Variants in FGFR1 observed in about 807,000 individuals in gnomAD.
FGFR1 encodes FGFR1/PLAG1 fusion.
FGFR1 carries 18 observed loss-of-function variants against 93.7 expected under a neutral mutation model. The observed-to-expected ratio is 0.19, with a 90% CI of 0.13 to 0.28. FGFR1 has a LOEUF of 0.28. Ranked by LOEUF, FGFR1 falls within the 10% of genes least tolerant of loss-of-function variation. The pLI is 1.00. For synonymous variants in FGFR1, 448 were observed against 429.3 expected (o/e 1.04, Z -0.54); for missense variants, 731 against 1,080.4 (o/e 0.68, Z 4.53).
chr8:38,464,507 A>T (rs1032960021), intron 1 of FGFR1, among the ~76,000 whole-genome samples: 5 of 152,144 alleles, frequency 3.3e-5, no homozygotes, highest in African/African-American at 7.2e-5. Context: ...GGGGAGAGAT[A>T]AATGGTGGCG....
At chr8:38,425,424 AG>A (rs1176180959) in intron 6 of FGFR1, among the ~76,000 whole-genome samples, 8 of 152,178 alleles carry the variant, frequency 5.3e-5, no homozygotes. Context: ...ATGGGATCAC[AG>A]GCGTGAGTAA....
intron 8 of FGFR1, among the ~76,000 whole-genome samples, chr8:38,420,799 C>T (rs1369952601): frequency 1.3e-5 from 2 of 152,172 alleles, no homozygotes; most frequent in South Asian, 2.1e-4. Flanking sequence ...GAGGCACGAC[C>T]CTAGACTGAG....
chr8:38,429,910 G>C lies in FGFR1; in HGVS notation c.130C>G (p.Leu44Val). The change falls in exon 3 of 18, where the codon CTG (leucine) becomes GTG (valine). Residue 44 changes from leucine (L) to valine (V), a missense_variant. By Grantham distance (32) the Leu-to-Val change is conservative. Around this residue, in one of 10 missense-constraint regions of FGFR1, gnomAD observed 212 missense variants for 205.8 expected, o/e 1.03. Transcript: ENST00000447712. This position sits in a 1 kb window ranked among gnomAD's most constrained non-coding sequence, Gnocchi z 4.4. Reference protein sequence around the residue: ...WGAPVEVESFLVHPGDLLQLR... With the variant: ...WGAPVEVESFVVHPGDLLQLR... The stretch of plus-strand genomic sequence containing the variant: ...TGCAGCAGGTCACCGGGGTGGACCA[G>C]GAAGGACTCCACTTCCACAGGGGCT... The C allele has an allele frequency of 6.2e-7, 1 of 1,613,496 alleles. No individual in the cohort carries two copies. The highest frequency in any genetic ancestry group is 8.5e-7 in the Non-Finnish European group (1 of 1,179,818).
In FGFR1 at chr8:38,412,806, A is replaced by C. The variant is rs908596802; in HGVS notation, c.*822T>G. 1 of 233,652 alleles carries C rather than the reference A, an allele frequency of 4.3e-6. No individual in the cohort carries two copies. The highest frequency in any genetic ancestry group is 8.5e-6 in the Non-Finnish European group (1 of 118,022). 14.5% of individuals were successfully genotyped at this position (233,652 alleles called of 1,614,324 possible). A position where few individuals can be genotyped will look rare whatever the true frequency, so the allele number is the denominator to read the frequency against. On this transcript the variant is annotated 3_prime_UTR_variant, in exon 18 of 18. Transcript: ENST00000447712. ...ACATAATTTAAAAAAATAAAACAGCAAAAGTAGCAAAAAATATATGACCTT... is the reference window on the plus strand; with the variant it reads ...ACATAATTTAAAAAAATAAAACAGCCAAAGTAGCAAAAAATATATGACCTT...
chr8:38,442,515 A>G (rs1279233345), intron 2 of FGFR1, among the ~76,000 whole-genome samples: 3 of 151,970 alleles, frequency 2.0e-5, no homozygotes, highest in African/African-American at 4.8e-5. Flanking sequence ...GGGTTCTGTA[A>G]TGGAAAGATC....
intron 2 of FGFR1, among the ~76,000 whole-genome samples, chr8:38,442,005 CATTTTAATAGA>C (rs766701390): frequency 3.2e-4 from 49 of 152,242 alleles, no homozygotes; most frequent in Middle Eastern, 6.8e-3. Context: ...TTGGGGCTGA[CATTTTAATAGA>C]AACATAGAGA....
At position 38,426,062 on chromosome 8, in the gene FGFR1, G is replaced by A. The variant is rs2150854066; in HGVS notation, c.745+60C>T. ...TAAGAAACCTGGACACCCCGGCTGT[G>A]TTCTCCAAGCCTGGCTCTTCCCACT... On this transcript the variant is annotated intron_variant, in intron 6 of 17. Transcript: ENST00000447712. The surrounding 1 kb of genome is among the most constrained non-coding windows in gnomAD (Gnocchi z 4.1). The A allele has an allele frequency of 6.2e-7, 1 of 1,612,334 alleles. No homozygotes were observed. Among genetic ancestry groups the A allele is most frequent in the Middle Eastern group, 1.8e-4 (1 of 5,516 alleles).
chr8:38,414,983 G>A (rs1245541925), intron 13 of FGFR1, 82 bp from the exon 14 acceptor site: 11 of 1,159,772 alleles, frequency 9.5e-6, no homozygotes, highest in Non-Finnish European at 1.4e-5. Flanking sequence ...CATGCAACTA[G>A]CCGACTTGTC....
chr8:38,416,318 T>A (rs1816581670), intron 12 of FGFR1, among the ~76,000 whole-genome samples: 1 of 152,194 alleles, frequency 6.6e-6, no homozygotes, highest in African/African-American at 2.4e-5. Flanking sequence ...GGAGTCTCAC[T>A]CTGTTGCCCA....
At position 38,419,464 on chromosome 8, in the gene FGFR1, G is replaced by A. The variant is rs950070997; in HGVS notation, c.1284+69C>T. ...CCAAAGCTATAAATTAGGGACAATG[G>A]AGAGGGCAGGGCATTAGAGGCCCAG... On this transcript the variant is annotated intron_variant, in intron 9 of 17. Transcript: ENST00000447712. 4 of 1,392,238 alleles carry A rather than the reference G, an allele frequency of 2.9e-6. No individual in the cohort carries two copies. The Admixed American group carries it at 5.0e-5, about 18-fold the overall frequency. 86.2% of individuals were successfully genotyped at this position (1,392,238 alleles called of 1,614,324 possible).
chr8:38,434,545 T>C, intron 2 of FGFR1: 1 of 300,502 alleles, frequency 3.3e-6, no homozygotes. Flanking sequence ...CAAGGAGATT[T>C]TCTTATAGTG....
chr8:38,423,312 GTTTTTTTTTT>G (rs58594253), intron 7 of FGFR1: 3 of 361,220 alleles, frequency 8.3e-6, no homozygotes, highest in East Asian at 6.2e-5. Flanking sequence ...TTCCCTTTTA[GTTTTTTTTTT>G]TTTTTTTTTT....
intron 3 of FGFR1, chr8:38,428,750 G>A: frequency 4.8e-6 from 2 of 418,820 alleles, no homozygotes; most frequent in Non-Finnish European, 9.0e-6. Flanking sequence ...GTGCCACCTG[G>A]GTGTGCTGGA....
rs2150474688 is a variant in FGFR1, at chr8:38,411,290, T to G, written c.*2338A>C. On this transcript the variant is annotated 3_prime_UTR_variant, in exon 18 of 18. Coordinates refer to ENST00000447712, the MANE Select transcript of FGFR1 (RefSeq NM_023110.3). ...TCTCCCAAGGACTTATGAAGACTTT[T>G]AGATTCTTCATCCCTTCACACAACA... 1 of 210,958 alleles carries G rather than the reference T, an allele frequency of 4.7e-6. No homozygotes were observed. The highest frequency in any genetic ancestry group is 1.9e-4 in the South Asian group (1 of 5,340). 13.1% of individuals were successfully genotyped at this position (210,958 alleles called of 1,614,324 possible).
At chr8:38,416,249 C>T (rs1456631342) in intron 12 of FGFR1, among the ~76,000 whole-genome samples, 189 bp from the exon 13 acceptor site, 2 of 152,084 alleles carry the variant, frequency 1.3e-5, no homozygotes, top group Admixed American at 1.3e-4. Context: ...CAGCATAGTC[C>T]AGAAAATTCC....
At chr8:38,436,353 C>T (rs962669981) in intron 2 of FGFR1, among the ~76,000 whole-genome samples, 1 of 152,016 alleles carries the variant, frequency 6.6e-6, no homozygotes, top group African/African-American at 2.4e-5. Flanking sequence ...CCAGCCTGGG[C>T]AACAGAGACA....
chr8:38,429,383 T>C lies in FGFR1; in HGVS notation c.358+299A>G. On this transcript the variant is annotated intron_variant, in intron 3 of 17. Transcript: ENST00000447712. The surrounding 1 kb of genome is among the most constrained non-coding windows in gnomAD (Gnocchi z 4.4). ...AGCACCACTTAGCCTCCTGGAGATC[T>C]GGGCAAGCTGTGGTGGAAAAAAATC... 1.5e-6 allele frequency: 1 copy of C among 671,126 alleles called. No homozygotes were observed. Among genetic ancestry groups the C allele is most frequent in the Non-Finnish European group, 2.8e-6 (1 of 358,920 alleles). The allele number at this position is 671,126 out of a possible 1,614,324, so 41.6% of individuals were successfully genotyped here. A position where few individuals can be genotyped will look rare whatever the true frequency, so the allele number is the denominator to read the frequency against.
intron 2 of FGFR1, among the ~76,000 whole-genome samples, chr8:38,432,206 C>T (rs893931551): frequency 2.0e-5 from 3 of 152,092 alleles, no homozygotes; most frequent in African/African-American, 7.2e-5. Context: ...TGGTGAGACC[C>T]GCTCTAGCTG....
At position 38,412,434 on chromosome 8, in the gene FGFR1, G is replaced by A; in HGVS notation, c.*1194C>T. The A allele has an allele frequency of 4.3e-6, 1 of 233,016 alleles. No individual in the cohort carries two copies. The highest frequency in any genetic ancestry group is 6.0e-5 in the East Asian group (1 of 16,562). The allele number at this position is 233,016 out of a possible 1,614,324, so 14.4% of individuals were successfully genotyped here. A position where few individuals can be genotyped will look rare whatever the true frequency, so the allele number is the denominator to read the frequency against. The stretch of plus-strand genomic sequence containing the variant: ...CAGCCCAACCCCACCGGTTTCCTTG[G>A]AGGAAACCATCCATGGTCGATGGCT... On this transcript the variant is annotated 3_prime_UTR_variant, in exon 18 of 18. Transcript: ENST00000447712.
Sources: gnomAD v4.1 joint callset for allele counts (sites outside exome capture counted in the v4.1 genomes callset) on GRCh38, gnomAD v4.1.1 for gene constraint, gnomAD v4.1.1 regional missense constraint, Gnocchi (gnomAD v3.1) non-coding constraint, MANE v1.5 for transcripts, NCBI Gene and HGNC (gene_info 2026-07-23, HGNC 2026-07-21) for gene names.